The following PDLIM5 variants were observed in gnomAD, a reference collection of about 807,000 sequenced individuals.
PDLIM5 encodes the protein PDZ and LIM domain protein 5.
PDLIM5 carries 34 observed loss-of-function variants against 64.2 expected under a neutral mutation model. The ratio of observed to expected loss-of-function variants is 0.53; its 90% confidence interval spans 0.40 to 0.71. The LOEUF is 0.71. PDLIM5 is among the 30% of genes least tolerant of loss of function. PDLIM5 has a pLI of 0.00. For synonymous variants in PDLIM5, 253 were observed against 269.1 expected (o/e 0.94, Z 0.59); for missense variants, 683 against 733.6 (o/e 0.93, Z 0.80).
intron 10 of PDLIM5, among the ~76,000 whole-genome samples, chr4:94,655,414 A>G (rs1475718660): frequency 6.6e-6 from 1 of 152,200 alleles, no homozygotes; most frequent in Non-Finnish European, 1.5e-5. Context: ...GCTGAACTCT[A>G]ATATACTCTC....
intron 2 of PDLIM5, among the ~76,000 whole-genome samples, chr4:94,502,258 T>A (rs1019894692): frequency 6.6e-5 from 10 of 151,752 alleles, no homozygotes; most frequent in Non-Finnish European, 1.3e-4. Flanking sequence ...TTTAAGAGAG[T>A]GAAAACTCCT....
chr4:94,652,871 A>G (rs1228877275), intron 9 of PDLIM5, among the ~76,000 whole-genome samples: 1 of 152,122 alleles, frequency 6.6e-6, no homozygotes, highest in East Asian at 1.9e-4. Context: ...CCACGTAAAA[A>G]TTTTTAATCA....
intron 8 of PDLIM5, among the ~76,000 whole-genome samples, chr4:94,631,101 C>G (rs1224406359): frequency 6.8e-6 from 1 of 148,016 alleles, no homozygotes; most frequent in Non-Finnish European, 1.5e-5. Flanking sequence ...GGGGGTCTCA[C>G]TGTGTTGCCC....
intron 3 of PDLIM5, among the ~76,000 whole-genome samples, chr4:94,549,363 G>C (rs559187282): frequency 1.7e-4 from 26 of 152,170 alleles, no homozygotes; most frequent in Middle Eastern, 6.8e-3. Flanking sequence ...AAAGGCCTTC[G>C]ATAGGACGTC....
chr4:94,620,297 G>A (rs186922664), intron 8 of PDLIM5, among the ~76,000 whole-genome samples: 38 of 152,118 alleles, frequency 2.5e-4, no homozygotes, highest in Non-Finnish European at 1.8e-4. Context: ...AGCTGAGTGC[G>A]GTGGCTCCTG....
intron 2 of PDLIM5, among the ~76,000 whole-genome samples, chr4:94,465,927 T>C (rs555358429): frequency 1.1e-3 from 167 of 152,172 alleles, no homozygotes; most frequent in Non-Finnish European, 1.7e-3. Context: ...TGTGTGTGTA[T>C]GTGTGTGTAT....
intron 7 of PDLIM5, among the ~76,000 whole-genome samples, chr4:94,588,782 T>A (rs1736451264): frequency 6.6e-6 from 1 of 152,166 alleles, no homozygotes; most frequent in African/African-American, 2.4e-5. Context: ...TTCCAGGTAT[T>A]CTTTCACATT....
chr4:94,590,548 A>G (rs1300135287), intron 7 of PDLIM5, among the ~76,000 whole-genome samples: 1 of 152,240 alleles, frequency 6.6e-6, no homozygotes, highest in Admixed American at 6.5e-5. Flanking sequence ...TTACCAAGAT[A>G]ATAAGTTAAT....
intron 8 of PDLIM5, among the ~76,000 whole-genome samples, chr4:94,634,072 A>G (rs963536511): frequency 6.6e-6 from 1 of 152,160 alleles, no homozygotes; most frequent in Non-Finnish European, 1.5e-5. Context: ...CAGGTCAGAG[A>G]GATAGCAGGG....
chr4:94,509,978 G>C (rs555804047), intron 2 of PDLIM5, among the ~76,000 whole-genome samples: 1 of 152,068 alleles, frequency 6.6e-6, no homozygotes, highest in Non-Finnish European at 1.5e-5. Context: ...AAGTTGCCAC[G>C]CAGTATCAAC....
At chr4:94,594,079 A>G (rs1387370647) in intron 7 of PDLIM5, among the ~76,000 whole-genome samples, 7 of 152,216 alleles carry the variant, frequency 4.6e-5, no homozygotes, top group Non-Finnish European at 1.0e-4. Context: ...TAAGTTCGAT[A>G]TAAATATCAA....
intron 3 of PDLIM5, among the ~76,000 whole-genome samples, chr4:94,548,499 T>C (rs1037719021): frequency 6.6e-6 from 1 of 152,184 alleles, no homozygotes; most frequent in Non-Finnish European, 1.5e-5. Flanking sequence ...ATATTGCCGA[T>C]GTTTTAGTAG....
At chr4:94,629,021 C>CT (rs1420269868) in intron 8 of PDLIM5, among the ~76,000 whole-genome samples, 4 of 152,012 alleles carry the variant, frequency 2.6e-5, no homozygotes, top group Non-Finnish European at 5.9e-5. Context: ...TCTTCCCACT[C>CT]TAAGTAGAAA....
chr4:94,456,585 T>TA, intron 2 of PDLIM5: 1 of 730,880 alleles, frequency 1.4e-6, no homozygotes. Flanking sequence ...TGTGTTTTTT[T>TA]AAAACAATTG....
chr4:94,635,513 A>G (rs1740487232), intron 8 of PDLIM5, among the ~76,000 whole-genome samples: 1 of 152,148 alleles, frequency 6.6e-6, no homozygotes, highest in South Asian at 2.1e-4. Context: ...AGCTATCTCT[A>G]AAGAGGTGTA....
intron 12 of PDLIM5, among the ~76,000 whole-genome samples, chr4:94,663,374 C>A (rs1259770452): frequency 6.6e-6 from 1 of 152,068 alleles, no homozygotes; most frequent in African/African-American, 2.4e-5. Flanking sequence ...TAAAGCTGTT[C>A]ATTCTAATTA....
At chr4:94,585,456 A>G in intron 5 of PDLIM5, 109 bp from the exon 6 acceptor site, 3 of 660,648 alleles carry the variant, frequency 4.5e-6, no homozygotes, top group East Asian at 3.1e-5. Context: ...TTTATATAAA[A>G]GGAATATTGA....
At chr4:94,480,620 G>A (rs529273406) in intron 2 of PDLIM5, among the ~76,000 whole-genome samples, 9 of 152,286 alleles carry the variant, frequency 5.9e-5, no homozygotes, top group East Asian at 1.9e-4. Flanking sequence ...TTGACCAGGG[G>A]TGAAACCTTA....
chr4:94,456,964 T>C, intron 2 of PDLIM5: 1 of 989,580 alleles, frequency 1.0e-6, no homozygotes, highest in Non-Finnish European at 1.2e-6. Context: ...ACAGTTATGC[T>C]GTGCTGCCTC....
Sources: gnomAD v4.1 joint callset for allele counts (sites outside exome capture counted in the v4.1 genomes callset) on GRCh38, gnomAD v4.1.1 for gene constraint, MANE v1.5 for transcripts, NCBI Gene and HGNC (gene_info 2026-07-23, HGNC 2026-07-21) for gene names.